The following SIPA1L3 variants were observed in gnomAD, a reference collection of about 807,000 sequenced individuals.
SIPA1L3 encodes the protein signal induced proliferation associated 1 like 3.
Under a neutral mutation model 150.1 loss-of-function variants are expected in SIPA1L3, and 59 were observed. That is an observed-to-expected ratio of 0.39 (90% confidence interval 0.32 to 0.49). The LOEUF is 0.49. SIPA1L3 is among the 20% of genes least tolerant of loss of function. The probability of loss-of-function intolerance (pLI) is 0.86; values close to 1 mark genes in which losing one functional copy is unlikely to be tolerated. For synonymous variants in SIPA1L3, 1,070 were observed against 1,077.6 expected, an observed-to-expected ratio of 0.99 and a Z score of 0.14; for missense variants, 2,211 against 2,489.5, an observed-to-expected ratio of 0.89 and a Z score of 2.38.
chr19:38,017,969 C>T (rs1384175732), intron 1 of SIPA1L3, among the ~76,000 whole-genome samples: 1 of 152,114 alleles, frequency 6.6e-6, no homozygotes, highest in Non-Finnish European at 1.5e-5. Flanking sequence ...CACAGCGCCT[C>T]GAGCACCAGC....
At chr19:38,143,489 C>G (rs8100265) in intron 12 of SIPA1L3, among the ~76,000 whole-genome samples, 11,342 of 151,098 alleles carry the variant, frequency 0.075, 1,327 homozygotes, top group African/African-American at 0.24. Context: ...CATCTCACCT[C>G]CCCTGGTCTA....
At chr19:38,096,190 C>T (rs1970376917) in intron 4 of SIPA1L3, among the ~76,000 whole-genome samples, 1 of 152,122 alleles carries the variant, frequency 6.6e-6, no homozygotes, top group Non-Finnish European at 1.5e-5. Context: ...TTTTTGCCAC[C>T]TCCTGTGTTT....
intron 1 of SIPA1L3, among the ~76,000 whole-genome samples, chr19:37,923,405 G>A (rs2046474010): frequency 6.6e-6 from 1 of 152,228 alleles, no homozygotes; most frequent in African/African-American, 2.4e-5. Context: ...ACATGTGACT[G>A]CCCTGAATTC....
chr19:38,095,740 C>G (rs1970364428), intron 4 of SIPA1L3, among the ~76,000 whole-genome samples: 2 of 152,010 alleles, frequency 1.3e-5, no homozygotes, highest in South Asian at 4.2e-4. Flanking sequence ...CATGACCTGC[C>G]AGTGTCCCAC....
At chr19:38,163,880 C>T (rs1344903111) in intron 14 of SIPA1L3, among the ~76,000 whole-genome samples, 1 of 152,184 alleles carries the variant, frequency 6.6e-6, no homozygotes, top group Non-Finnish European at 1.5e-5. Flanking sequence ...CTCAGGTGTT[C>T]TCAGCCTTCT....
chr19:38,090,726 C>T (rs768128479), intron 4 of SIPA1L3, among the ~76,000 whole-genome samples: 12 of 152,238 alleles, frequency 7.9e-5, no homozygotes, highest in African/African-American at 1.2e-4. Context: ...CAGACATGGA[C>T]GCCTAGCAGG....
chr19:38,038,938 C>CA (rs1331489430), intron 2 of SIPA1L3, among the ~76,000 whole-genome samples: 2 of 152,112 alleles, frequency 1.3e-5, no homozygotes, highest in African/African-American at 4.8e-5. Context: ...GGCTGGAGTG[C>CA]AGTGGCACAA....
intron 15 of SIPA1L3, among the ~76,000 whole-genome samples, chr19:38,178,471 C>T (rs188948859): frequency 6.6e-6 from 1 of 151,784 alleles, no homozygotes; most frequent in African/African-American, 2.4e-5. Context: ...TTCTGGGAGG[C>T]CAAATGTCTT....
intron 15 of SIPA1L3, 147 bp downstream of exon 15, chr19:38,165,053 C>T (rs551791779): frequency 2.5e-6 from 2 of 784,844 alleles, no homozygotes; most frequent in East Asian, 5.5e-5. Flanking sequence ...AATTGAGGAG[C>T]TCGTGGATCT....
At chr19:37,984,024 A>G (rs538500003) in intron 1 of SIPA1L3, among the ~76,000 whole-genome samples, 1 of 152,260 alleles carries the variant, frequency 6.6e-6, no homozygotes, top group Admixed American at 6.5e-5. Context: ...GAGTTGCACG[A>G]AACTATGTGT....
chr19:38,075,146 G>C (rs1969810536), intron 2 of SIPA1L3, among the ~76,000 whole-genome samples: 1 of 152,034 alleles, frequency 6.6e-6, no homozygotes, highest in Non-Finnish European at 1.5e-5. Context: ...TAAATATATT[G>C]GAAAATTTTT....
intron 1 of SIPA1L3, among the ~76,000 whole-genome samples, chr19:37,922,079 C>T (rs752790069): frequency 1.3e-4 from 20 of 151,988 alleles, no homozygotes; most frequent in Non-Finnish European, 1.9e-4. Flanking sequence ...ATGCTGATGG[C>T]GTGTCTGATT....
chr19:38,132,303 T>C (rs1029462179), intron 10 of SIPA1L3, among the ~76,000 whole-genome samples: 10 of 151,750 alleles, frequency 6.6e-5, no homozygotes, highest in African/African-American at 2.4e-4. Flanking sequence ...CTCACACCTG[T>C]AACCTCAGCA....
intron 1 of SIPA1L3, among the ~76,000 whole-genome samples, chr19:38,001,054 T>C (rs1967795499): frequency 6.6e-6 from 1 of 150,754 alleles, no homozygotes; most frequent in Non-Finnish European, 1.5e-5. Flanking sequence ...ATCACACATA[T>C]ATATATATCA....
chr19:37,938,015 C>G (rs958129230), intron 1 of SIPA1L3, among the ~76,000 whole-genome samples: 2 of 151,732 alleles, frequency 1.3e-5, no homozygotes, highest in Non-Finnish European at 2.9e-5. Context: ...CCACTGCACT[C>G]CAGCCTGGGC....
chr19:38,169,140 A>G (rs946934949), intron 15 of SIPA1L3, among the ~76,000 whole-genome samples: 5 of 152,134 alleles, frequency 3.3e-5, no homozygotes, highest in Admixed American at 6.5e-5. Context: ...TGTAATCCCA[A>G]CACTCTGGGA....
chr19:38,165,428 G>T (rs993592700), intron 15 of SIPA1L3, among the ~76,000 whole-genome samples: 2 of 152,184 alleles, frequency 1.3e-5, no homozygotes, highest in African/African-American at 4.8e-5. Flanking sequence ...TACCATGCTG[G>T]CTCATGTCTC....
At chr19:38,176,934 G>A (rs963605713) in intron 15 of SIPA1L3, among the ~76,000 whole-genome samples, 1 of 151,758 alleles carries the variant, frequency 6.6e-6, no homozygotes, top group African/African-American at 2.4e-5. Context: ...TCATGCCATT[G>A]CACTCCAGCC....
At chr19:38,000,430 T>C (rs942943740) in intron 1 of SIPA1L3, among the ~76,000 whole-genome samples, 3 of 143,620 alleles carry the variant, frequency 2.1e-5, no homozygotes, top group Non-Finnish European at 4.5e-5. Flanking sequence ...ATCACGCTAC[T>C]GCATTCCAGC....
Sources: allele counts gnomAD v4.1 joint callset (sites outside exome capture counted in the v4.1 genomes callset), GRCh38; gene constraint gnomAD v4.1.1; transcripts MANE v1.5; gene names NCBI Gene and HGNC (gene_info 2026-07-23, HGNC 2026-07-21).